Variants in RNF149 observed in about 807,000 individuals in gnomAD.
The protein encoded by RNF149 is ring finger protein 149.
RNF149 carries 21 observed loss-of-function variants against 39.0 expected under a neutral mutation model. The observed-to-expected ratio is 0.54, with a 90% confidence interval of 0.38 to 0.77. RNF149 has a LOEUF of 0.77. Ranked by LOEUF, RNF149 falls within the 30% of genes least tolerant of loss-of-function variation. RNF149 has a pLI of 0.00. For synonymous variants in RNF149, 209 were observed against 213.6 expected, an observed-to-expected ratio of 0.98 and a Z score of 0.19; for missense variants, 493 against 534.9, an observed-to-expected ratio of 0.92 and a Z score of 0.77.
At chr2:101,281,690 G>A (rs1400446164) in intron 6 of RNF149, 169 bp downstream of exon 6, 4 of 686,226 alleles carry the variant, frequency 5.8e-6, no homozygotes, top group African/African-American at 1.8e-5. Flanking sequence ...TTGTAGAGAT[G>A]GGGTCTCACT....
chr2:101,289,425 G>A (rs977247344), intron 3 of RNF149, among the ~76,000 whole-genome samples: 1 of 151,814 alleles, frequency 6.6e-6, no homozygotes, highest in Non-Finnish European at 1.5e-5. Flanking sequence ...ACAGGGTTTC[G>A]GCCAGGTGCA....
At chr2:101,293,239 CT>C (rs1179414358) in intron 3 of RNF149, among the ~76,000 whole-genome samples, 5 of 151,878 alleles carry the variant, frequency 3.3e-5, no homozygotes, top group African/African-American at 4.8e-5. Flanking sequence ...TGTACTCTTT[CT>C]TTCTGAAGGG....
intron 3 of RNF149, among the ~76,000 whole-genome samples, chr2:101,292,773 GA>G (rs1168416716): frequency 1.3e-5 from 2 of 149,850 alleles, no homozygotes; most frequent in Admixed American, 6.6e-5. Flanking sequence ...CTCAAATGAA[GA>G]AAAAAAAAGA....
rs1056001021 is a variant in RNF149 at position 101,294,242 on chromosome 2, T to G, written c.712-160A>C. On this transcript the variant is annotated intron_variant, in intron 2 of 6. Transcript: ENST00000295317. Reference sequence around the variant, plus strand: ...TGAAAATAACTTTTAATGGCAAAACTGCGATTACTTTTGCACCAACTTCAT... The same window carrying G: ...TGAAAATAACTTTTAATGGCAAAACGGCGATTACTTTTGCACCAACTTCAT... 5.9e-6 allele frequency: 3 copies of G among 504,764 alleles called. No homozygotes were observed. The African/African-American group carries it at 6.0e-5, about 10-fold the overall frequency. The allele number at this position is 504,764 out of a possible 1,614,324, so 31.3% of individuals were successfully genotyped here. A position where few individuals can be genotyped will look rare whatever the true frequency, so the allele number is the denominator to read the frequency against.
chr2:101,303,748 C>G (rs759002853), intron 1 of RNF149, among the ~76,000 whole-genome samples: 1 of 151,928 alleles, frequency 6.6e-6, no homozygotes, highest in Non-Finnish European at 1.5e-5. Flanking sequence ...TTTGTAACCT[C>G]CCCTGGAGAG....
chr2:101,308,507 G>A lies in RNF149; in HGVS notation c.82C>T (p.Pro28Ser). The A allele has an allele frequency of 1.2e-6, 2 of 1,609,918 alleles. No homozygotes were observed. The highest frequency in any genetic ancestry group is 8.5e-7 in the Non-Finnish European group (1 of 1,178,986). Reference sequence around the variant, plus strand: ...TCGAGAGCCCGGCCCCGGGCCCCGGGCACGCACAGGGCCAGGGCGAGCAAC... The same window carrying A: ...TCGAGAGCCCGGCCCCGGGCCCCGGACACGCACAGGGCCAGGGCGAGCAAC... ...LALLALALCV[P>S]GARGRALEWF... The change falls in exon 1 of 7, where the codon CCC (proline) becomes TCC (serine). Residue 28 changes from proline to serine, a missense_variant. Pro to Ser is a moderately conservative substitution (Grantham distance 74). Transcript: ENST00000295317.
rs751628113 is a variant in RNF149, at chr2:101,308,583, C to T, written c.6G>A (p.Ala2=). 5 of 1,551,006 alleles carry T rather than the reference C, an allele frequency of 3.2e-6. No homozygotes were observed. Among genetic ancestry groups the T allele is most frequent in the Non-Finnish European group, 4.3e-6 (5 of 1,155,072 alleles). Reference sequence around the variant, plus strand: ...CGACGCTGGCTTCGCGCCGCCGCCACGCCATGGCAGCACCGCTGAGCTGAC... The same window carrying T: ...CGACGCTGGCTTCGCGCCGCCGCCATGCCATGGCAGCACCGCTGAGCTGAC... M[A]WRRREASVGA... is the part of the protein sequence containing the mutation. The change falls in exon 1 of 7, where the codon GCG becomes GCA. Residue 2 remains alanine (A), a synonymous_variant. Transcript: ENST00000295317.
chr2:101,308,040 C>T (rs1029831452), intron 1 of RNF149, 89 bp downstream of exon 1: 5 of 1,501,718 alleles, frequency 3.3e-6, no homozygotes, highest in South Asian at 1.3e-5. Flanking sequence ...AGGCCCGCTT[C>T]GCGGCCTGCG....
At chr2:101,289,742 G>A (rs889368351) in intron 3 of RNF149, among the ~76,000 whole-genome samples, 2 of 150,254 alleles carry the variant, frequency 1.3e-5, no homozygotes, top group Non-Finnish European at 1.5e-5. Flanking sequence ...GGGTCTTACC[G>A]TGTTGCTCAG....
Position 101,308,488 on chromosome 2 carries a change from G to T in RNF149, c.101C>A (p.Ala34Asp). Residue 34 changes from alanine (A) to aspartate (D), a missense_variant, in exon 1 of 7, where the codon GCT (alanine) becomes GAT (aspartate). Transcript: ENST00000295317. ...TACCACGGCCGAGAACCACTCGAGA[G>T]CCCGGCCCCGGGCCCCGGGCACGCA... ...ALCVPGARGRALEWFSAVVNI... is the reference protein window; with the variant it reads ...ALCVPGARGRDLEWFSAVVNI... 6.2e-7 allele frequency: 1 copy of T among 1,610,800 alleles called. No homozygotes were observed. Among genetic ancestry groups the T allele is most frequent in the Non-Finnish European group, 8.5e-7 (1 of 1,179,206 alleles).
rs1683352098 is a variant in RNF149 at position 101,299,110 on chromosome 2, C to T, written c.461-3929G>A. Among the ~76,000 whole-genome samples the T allele has an allele frequency of 5.3e-5, 8 of 152,188 alleles. No individual in the cohort carries two copies. The South Asian group carries it at 1.7e-3, about 31-fold the overall frequency. ...GTTGGAGGTTGCAGTGAGCCAAAAT[C>T]GCGCCACTGCACTCCAGTCTGGGCG... is the stretch of plus-strand genomic sequence containing the variant. On this transcript the variant is annotated intron_variant, in intron 1 of 6. Coordinates refer to ENST00000295317, the MANE Select transcript of RNF149 (RefSeq NM_173647.4).
rs549647932 is a variant in RNF149 at position 101,276,895 on chromosome 2, A to G, written c.*343T>C. The G allele has an allele frequency of 4.9e-6, 5 of 1,026,816 alleles. No homozygotes were observed. The highest frequency in any genetic ancestry group is 2.3e-6 in the Non-Finnish European group (2 of 853,146). The allele number at this position is 1,026,816 out of a possible 1,614,324, so 63.6% of individuals were successfully genotyped here. ...GATGTGCTTTGCCAAAAACCTTGAA[A>G]AATAGAATTAACTGGTTTTTACAGA... is the stretch of plus-strand genomic sequence containing the variant. On this transcript the variant is annotated 3_prime_UTR_variant, in exon 7 of 7. Coordinates refer to ENST00000295317, the MANE Select transcript of RNF149 (RefSeq NM_173647.4).
downstream of RNF149, chr2:101,273,033 T>G: frequency 2.2e-6 from 3 of 1,353,740 alleles, no homozygotes; most frequent in Non-Finnish European, 2.9e-6. Flanking sequence ...GGCCTTTTCT[T>G]GTCATCATTC....
At chr2:101,272,916 A>G, downstream of RNF149, 1 of 1,345,730 alleles carries the variant, frequency 7.4e-7, no homozygotes, top group Non-Finnish European at 9.8e-7. Context: ...CTCCCATGGC[A>G]TGAAGCTTCC....
intron 5 of RNF149, among the ~76,000 whole-genome samples, chr2:101,284,111 T>C (rs769956893): frequency 2.6e-5 from 4 of 152,230 alleles, no homozygotes; most frequent in Non-Finnish European, 2.9e-5. Flanking sequence ...TGTTATGCCA[T>C]GCTAATCATA....
chr2:101,298,001 G>A (rs1372582692), intron 1 of RNF149, among the ~76,000 whole-genome samples: 1 of 151,692 alleles, frequency 6.6e-6, no homozygotes, highest in Non-Finnish European at 1.5e-5. Flanking sequence ...GCTGGACAAG[G>A]GGGTGAATAA....
At chr2:101,294,711 T>C (rs985807501) in intron 2 of RNF149, 9 of 506,722 alleles carry the variant, frequency 1.8e-5, no homozygotes, top group South Asian at 4.8e-5. Context: ...AGGAAACAAA[T>C]GTGCAAAAGG....
chr2:101,296,273 G>T (rs1683230038), intron 1 of RNF149, among the ~76,000 whole-genome samples: 1 of 152,074 alleles, frequency 6.6e-6, no homozygotes, highest in South Asian at 2.1e-4. Flanking sequence ...AAGCAGACAT[G>T]AGAGAAAAAT....
At chr2:101,278,498 T>C (rs1682436661) in intron 6 of RNF149, among the ~76,000 whole-genome samples, 1 of 152,060 alleles carries the variant, frequency 6.6e-6, no homozygotes, top group Admixed American at 6.5e-5. Context: ...ATGCTTCCTC[T>C]TGTTTTATAA....
Sources: allele counts gnomAD v4.1 joint callset (sites outside exome capture counted in the v4.1 genomes callset), GRCh38; gene constraint gnomAD v4.1.1; transcripts MANE v1.5; gene names NCBI Gene and HGNC (gene_info 2026-07-23, HGNC 2026-07-21).